Variants in PDILT observed in about 807,000 individuals in gnomAD.
The protein encoded by PDILT is protein disulfide isomerase like, testis expressed.
A neutral mutation model predicts 53.7 loss-of-function variants in PDILT; 43 were observed. That is an observed-to-expected ratio of 0.80 (90% confidence interval 0.63 to 1.03). The LOEUF (loss-of-function observed/expected upper bound fraction) is 1.03. PDILT is among the 50% of genes least tolerant of loss of function. The pLI, the probability that PDILT is intolerant of heterozygous loss-of-function variation, is 0.00. For synonymous variants in PDILT, 282 were observed against 274.2 expected, an observed-to-expected ratio of 1.03 and a Z score of -0.28; for missense variants, 727 against 712.3, an observed-to-expected ratio of 1.02 and a Z score of -0.24.
intron 8 of PDILT, among the ~76,000 whole-genome samples, chr16:20,367,079 CTTTCTTTCTTT>C (rs1567320892): frequency 0.011 from 1,283 of 120,266 alleles, 44 homozygotes; most frequent in Middle Eastern, 0.04. Flanking sequence ...TTCTTTCTTT[CTTTCTTTCTTT>C]CTTTCTTTCT....
chr16:20,391,239 A>C (rs1966603335), intron 2 of PDILT: 1 of 164,102 alleles, frequency 6.1e-6, no homozygotes, highest in Non-Finnish European at 1.4e-5. Flanking sequence ...CACCAGCACC[A>C]TCATCGAAAT....
Position 20,399,263 on chromosome 16 carries a change from GCGGC to G in PDILT, c.34_37del (p.Ala12LeufsTer21), listed in dbSNP as rs1966700511. 5 of 1,613,948 alleles carry G rather than the reference GCGGC, an allele frequency of 3.1e-6. No homozygotes were observed. The East Asian group carries it at 1.1e-4, about 36-fold the overall frequency. On this transcript the variant is annotated frameshift_variant, in exon 2 of 12. Transcript: ENST00000302451. LOFTEE classifies it high-confidence loss of function. The stretch of plus-strand genomic sequence containing the variant: ...TGAGCTGTGGACAGCAGAGACACAA[GCGGC>G]CACCAGCAGCAGGGGCATCCAGAGT...
chr16:20,393,326 G>C lies in PDILT; in HGVS notation c.202+5773C>G, dbSNP rs186877683. Among the ~76,000 whole-genome samples the C allele has an allele frequency of 4.6e-5, 7 of 152,286 alleles. No individual in the cohort carries two copies. In the East Asian group the frequency reaches 1.4e-3, roughly 29 times the overall value. On this transcript the variant is annotated intron_variant, in intron 2 of 11. Coordinates refer to ENST00000302451, the MANE Select transcript of PDILT (RefSeq NM_174924.2). The stretch of plus-strand genomic sequence containing the variant: ...GGCCTAGGCTGGATTTCTCTTACAA[G>C]GTATTGCTCGAAGGGCTTTGAAGTA...
At chr16:20,379,018 C>A (rs1348149953) in intron 3 of PDILT, among the ~76,000 whole-genome samples, 1 of 124,826 alleles carries the variant, frequency 8.0e-6, no homozygotes, top group African/African-American at 2.9e-5. Flanking sequence ...CATTTTAGGG[C>A]ATTTTTTTTT....
At chr16:20,365,843 G>C (rs571869214) in intron 8 of PDILT, among the ~76,000 whole-genome samples, 106 of 152,072 alleles carry the variant, frequency 7.0e-4, no homozygotes, top group Non-Finnish European at 7.2e-4. Context: ...AGCACTTTGG[G>C]AGGCCGAGGC....
chr16:20,403,808 G>C (rs1283943004), intron 1 of PDILT, among the ~76,000 whole-genome samples: 1 of 151,898 alleles, frequency 6.6e-6, no homozygotes, highest in South Asian at 2.1e-4. Flanking sequence ...GCACTCTGGG[G>C]AGCCACACTG....
intron 4 of PDILT, 52 bp downstream of exon 4, chr16:20,376,016 C>T (rs1262806887): frequency 6.2e-7 from 1 of 1,604,772 alleles, no homozygotes; most frequent in Non-Finnish European, 8.5e-7. Context: ...CCCTCCCAGA[C>T]ACAGCACTTC....
At chr16:20,367,342 G>C (rs118085590) in intron 8 of PDILT, among the ~76,000 whole-genome samples, 1 of 152,104 alleles carries the variant, frequency 6.6e-6, no homozygotes, top group Non-Finnish European at 1.5e-5. Context: ...CTGGCTCACA[G>C]CCTCTTCTTC....
rs546676141 is a variant in PDILT, at chr16:20,394,910, T to C, written c.202+4189A>G. Among the ~76,000 whole-genome samples, 7 of 152,374 alleles carry C rather than the reference T, an allele frequency of 4.6e-5. No homozygotes were observed. In the East Asian group the frequency reaches 9.6e-4, roughly 21 times the overall value. On this transcript the variant is annotated intron_variant, in intron 2 of 11. Transcript: ENST00000302451. Reference sequence around the variant, plus strand: ...TCTGCAGACCCACCTGGGACTAAGATGATATGGACCCTTATGAACCTAGAT... The same window carrying C: ...TCTGCAGACCCACCTGGGACTAAGACGATATGGACCCTTATGAACCTAGAT...
intron 2 of PDILT, among the ~76,000 whole-genome samples, chr16:20,398,286 A>T (rs1318719078): frequency 6.6e-6 from 1 of 152,130 alleles, no homozygotes; most frequent in Non-Finnish European, 1.5e-5. Flanking sequence ...CTGATGCAAA[A>T]TGTCCAAAGA....
intron 2 of PDILT, among the ~76,000 whole-genome samples, chr16:20,397,269 A>G (rs1268186241): frequency 1.3e-5 from 2 of 152,042 alleles, no homozygotes; most frequent in African/African-American, 2.4e-5. Flanking sequence ...CCAAGTAGCT[A>G]GGATTACAGG....
chr16:20,388,824 A>T (rs1237144223), intron 2 of PDILT: 1 of 152,230 alleles, frequency 6.6e-6, no homozygotes, highest in Non-Finnish European at 1.5e-5. Flanking sequence ...AGGCAGGAGA[A>T]TCGCTGGAAC....
chr16:20,394,177 G>A (rs146667006), intron 2 of PDILT, among the ~76,000 whole-genome samples: 91 of 152,172 alleles, frequency 6.0e-4, no homozygotes, highest in African/African-American at 2.0e-3. Context: ...CAGTGTCCAC[G>A]GGATTTGAGA....
chr16:20,381,109 G>C (rs927727517), intron 3 of PDILT, among the ~76,000 whole-genome samples: 8 of 152,220 alleles, frequency 5.3e-5, no homozygotes, highest in Non-Finnish European at 2.9e-5. Context: ...GAGGCAACCT[G>C]AGTCTCCCTC....
At chr16:20,401,523 T>C (rs1424691982) in intron 1 of PDILT, among the ~76,000 whole-genome samples, 1 of 152,146 alleles carries the variant, frequency 6.6e-6, no homozygotes, top group African/African-American at 2.4e-5. Context: ...CCTTCAAACC[T>C]TCCAAACCTC....
chr16:20,374,817 C>G lies in PDILT; in HGVS notation c.681+5G>C. The stretch of plus-strand genomic sequence containing the variant: ...CTCTCACTAGCAATAGGATCAAAAT[C>G]CTACCTTTTTGAACACCAGGACGCT... On this transcript the variant is annotated splice_donor_5th_base_variant and intron_variant, in intron 5 of 11. Coordinates refer to ENST00000302451, the MANE Select transcript of PDILT (RefSeq NM_174924.2). The G allele has an allele frequency of 6.2e-7, 1 of 1,610,306 alleles. No individual in the cohort carries two copies. The highest frequency in any genetic ancestry group is 8.5e-7 in the Non-Finnish European group (1 of 1,178,446).
At chr16:20,360,715 G>C (rs1966088247) in intron 10 of PDILT, 58 bp from the exon 11 acceptor site, 8 of 1,311,612 alleles carry the variant, frequency 6.1e-6, no homozygotes, top group East Asian at 2.3e-5. Flanking sequence ...AGATGCTCGA[G>C]GATTGCTACC....
rs767357353 is a variant in PDILT, at chr16:20,374,832, A to G, written c.671T>C (p.Val224Ala). 1 of 1,612,808 alleles carries G rather than the reference A, an allele frequency of 6.2e-7. No homozygotes were observed. The highest frequency in any genetic ancestry group is 1.3e-5 in the African/African-American group (1 of 74,854). ...RFHVTLDSVL[V>A]FKKGKIVNRQ... ...GGATCAAAATCCTACCTTTTTGAAC[A>G]CCAGGACGCTGTCAAGGGTGACGTG... Residue 224 changes from valine (V) to alanine (A), a missense_variant, in exon 5 of 12, where the codon GTG becomes GCG. By Grantham distance (64) the Val-to-Ala change is moderately conservative (BLOSUM62 0). Coordinates refer to ENST00000302451, the MANE Select transcript of PDILT (RefSeq NM_174924.2).
At chr16:20,366,448 TA>T (rs1178646365) in intron 8 of PDILT, among the ~76,000 whole-genome samples, 1 of 152,218 alleles carries the variant, frequency 6.6e-6, no homozygotes, top group Non-Finnish European at 1.5e-5. Context: ...TAAATTCTCA[TA>T]ATGCTCAGCA....
Sources: allele counts gnomAD v4.1 joint callset (sites outside exome capture counted in the v4.1 genomes callset), GRCh38; gene constraint gnomAD v4.1.1; transcripts MANE v1.5; gene names NCBI Gene and HGNC (gene_info 2026-07-23, HGNC 2026-07-21).